The following FAM107B variants were observed in gnomAD, a reference collection of about 807,000 sequenced individuals.
FAM107B encodes protein FAM107B.
FAM107B carries 21 observed loss-of-function variants against 31.5 expected under a neutral mutation model. The ratio of observed to expected loss-of-function variants is 0.67; its 90% CI spans 0.47 to 0.96. The LOEUF (loss-of-function observed/expected upper bound fraction) is 0.96. Among genes scored for constraint, FAM107B ranks in the 40% least tolerant of loss-of-function variants. FAM107B has a pLI of 0.00. For synonymous variants in FAM107B, 157 were observed against 141.5 expected, an observed-to-expected ratio of 1.11 and a Z score of -0.78; for missense variants, 452 against 377.1, an observed-to-expected ratio of 1.20 and a Z score of -1.64.
chr10:14,754,009 G>A (rs1048332269), intron 1 of FAM107B, among the ~76,000 whole-genome samples: 3 of 149,594 alleles, frequency 2.0e-5, no homozygotes, highest in South Asian at 2.1e-4. Flanking sequence ...CACCATCTCA[G>A]CTCACTGCAA....
chr10:14,650,569 A>C (rs1853873102), intron 2 of FAM107B, among the ~76,000 whole-genome samples: 1 of 152,212 alleles, frequency 6.6e-6, no homozygotes, highest in Non-Finnish European at 1.5e-5. Context: ...TACAGGCATG[A>C]GCCACCGCGC....
chr10:14,663,142 C>A (rs1010618197), intron 2 of FAM107B, among the ~76,000 whole-genome samples: 1 of 152,208 alleles, frequency 6.6e-6, no homozygotes, highest in African/African-American at 2.4e-5. Context: ...CCCAGGCCTT[C>A]GGCCACAGAC....
intron 2 of FAM107B, among the ~76,000 whole-genome samples, chr10:14,666,683 C>A (rs2131471603): frequency 6.6e-6 from 1 of 152,246 alleles, no homozygotes; most frequent in East Asian, 1.9e-4. Context: ...CAAGGATCTG[C>A]AAGGGGACAG....
At chr10:14,730,345 G>C (rs188326278) in intron 1 of FAM107B, among the ~76,000 whole-genome samples, 21 of 152,310 alleles carry the variant, frequency 1.4e-4, no homozygotes, top group African/African-American at 4.8e-4. Context: ...CTGAACTATG[G>C]TGAGGGTGCC....
Position 14,628,112 on chromosome 10 carries a change from G to GTTTTTTTTTTTTTTTTTTTTTTTTTTTT in FAM107B, c.469+39521_469+39522insAAAAAAAAAAAAAAAAAAAAAAAAAAAA, listed in dbSNP as rs71505033. On this transcript the variant is annotated intron_variant, in intron 2 of 4. Coordinates refer to ENST00000181796, the MANE Select transcript of FAM107B (RefSeq NM_031453.4). ...TCCTTGTTTGTTTTTTGTTTTGCTG[G>GTTTTTTTTTTTTTTTTTTTTTTTTTTTT]TTTTTTTTTTTTTTTTTTTTTGAGA... 5.1e-4 allele frequency among the ~76,000 whole-genome samples: 47 copies of GTTTTTTTTTTTTTTTTTTTTTTTTTTTT among 92,684 alleles called. 5 individuals carry two copies. The highest frequency in any genetic ancestry group is 7.6e-4 in the Non-Finnish European group (36 of 47,168). The allele number at this position is 92,684 out of a possible 152,430, so 60.8% of individuals were successfully genotyped here. A position where few individuals can be genotyped will look rare whatever the true frequency, so the allele number is the denominator to read the frequency against.
chr10:14,684,967 T>G (rs1854941652), intron 1 of FAM107B, among the ~76,000 whole-genome samples: 1 of 151,874 alleles, frequency 6.6e-6, no homozygotes. Context: ...ACCACAGGCG[T>G]GCACTACTAT....
At chr10:14,760,505 G>A (rs1005341345) in intron 1 of FAM107B, among the ~76,000 whole-genome samples, 4 of 150,006 alleles carry the variant, frequency 2.7e-5, no homozygotes, top group Non-Finnish European at 2.9e-5. Context: ...TATTCTCTGC[G>A]ACATTAATAG....
chr10:14,523,841 T>G (rs2130777290), intron 3 of FAM107B, among the ~76,000 whole-genome samples: 1 of 152,160 alleles, frequency 6.6e-6, no homozygotes, highest in Non-Finnish European at 1.5e-5. Context: ...AAGTTGTTGT[T>G]TAGAGTAAAA....
chr10:14,763,668 G>C (rs1213100799), intron 1 of FAM107B, among the ~76,000 whole-genome samples: 1 of 152,096 alleles, frequency 6.6e-6, no homozygotes, highest in Non-Finnish European at 1.5e-5. Context: ...AAAGACCTGG[G>C]GATGAAAGCC....
At chr10:14,598,254 T>C (rs1588646477) in intron 2 of FAM107B, among the ~76,000 whole-genome samples, 1 of 152,216 alleles carries the variant, frequency 6.6e-6, no homozygotes, top group Admixed American at 6.5e-5. Context: ...CCAAGACCAG[T>C]GTCCTGAACC....
chr10:14,529,943 A>G (rs1846764880), intron 3 of FAM107B: 1 of 172,850 alleles, frequency 5.8e-6, no homozygotes, highest in Non-Finnish European at 1.4e-5. Context: ...GTAGGCGGCA[A>G]TTACATGATT....
At chr10:14,650,513 C>T (rs1309482537) in intron 2 of FAM107B, among the ~76,000 whole-genome samples, 7 of 152,086 alleles carry the variant, frequency 4.6e-5, no homozygotes, top group African/African-American at 1.2e-4. Flanking sequence ...CTCGAACTCC[C>T]GACCTGAGGT....
chr10:14,643,927 A>G (rs1223200550), intron 2 of FAM107B, among the ~76,000 whole-genome samples: 3 of 152,208 alleles, frequency 2.0e-5, no homozygotes, highest in East Asian at 3.8e-4. Context: ...CAAGAACGCA[A>G]TTTCAACAAC....
chr10:14,738,113 G>A (rs1856352497), intron 1 of FAM107B, among the ~76,000 whole-genome samples: 1 of 152,160 alleles, frequency 6.6e-6, no homozygotes, highest in South Asian at 2.1e-4. Context: ...CAGGGAGGAA[G>A]ATTTCCCCAT....
intron 2 of FAM107B, among the ~76,000 whole-genome samples, chr10:14,531,326 C>A (rs936244276): frequency 2.0e-5 from 3 of 152,058 alleles, no homozygotes; most frequent in Admixed American, 6.6e-5. Context: ...CAAGACCAGC[C>A]TGGGCAACAT....
chr10:14,542,694 A>G (rs1194899232), intron 2 of FAM107B: 2 of 152,246 alleles, frequency 1.3e-5, no homozygotes, highest in Non-Finnish European at 2.9e-5. Flanking sequence ...GAGCTCAGAA[A>G]TAGTAAGACA....
chr10:14,677,823 G>A (rs779736733), intron 1 of FAM107B, among the ~76,000 whole-genome samples: 3 of 152,174 alleles, frequency 2.0e-5, no homozygotes, highest in Admixed American at 1.3e-4. Context: ...TAATTGGGGC[G>A]TGTCTCTGGT....
chr10:14,747,828 G>T (rs1316180932), intron 1 of FAM107B, among the ~76,000 whole-genome samples: 2 of 152,176 alleles, frequency 1.3e-5, no homozygotes. Flanking sequence ...CCCCTTGGTG[G>T]AGGGGGTGCA....
At chr10:14,694,668 G>A (rs1298015305) in intron 1 of FAM107B, among the ~76,000 whole-genome samples, 5 of 152,322 alleles carry the variant, frequency 3.3e-5, no homozygotes, top group South Asian at 2.1e-4. Context: ...ACAGGCGCGG[G>A]ACACCGTGTT....
Sources: gnomAD v4.1 joint callset for allele counts (sites outside exome capture counted in the v4.1 genomes callset) on GRCh38, gnomAD v4.1.1 for gene constraint, MANE v1.5 for transcripts, NCBI Gene and HGNC (gene_info 2026-07-23, HGNC 2026-07-21) for gene names.